The following ADAMTS13 variants were observed in gnomAD, a reference collection of about 807,000 sequenced individuals.
ADAMTS13 encodes ADAM metallopeptidase with thrombospondin type 1 motif 13, also known as A disintegrin and metalloproteinase with thrombospondin motifs 13.
Under a neutral mutation model 155.1 loss-of-function variants are expected in ADAMTS13, and 110 were observed. That is an observed-to-expected ratio of 0.71 (90% CI 0.61 to 0.83). ADAMTS13 has a LOEUF of 0.83. ADAMTS13 is among the 40% of genes least tolerant of loss of function. The pLI is 0.00. For missense variants in ADAMTS13, 1,707 were observed against 1,891.7 expected (o/e 0.90, Z 1.81); for synonymous variants, 758 against 756.4 (o/e 1.00, Z -0.03).
At position 133,432,599 on chromosome 9, in the gene ADAMTS13, G is replaced by A. The variant is rs757725461; in HGVS notation, c.999G>A (p.Gln333=). 1 of 1,552,902 alleles carries A rather than the reference G, an allele frequency of 6.4e-7. No homozygotes were observed. Among genetic ancestry groups the A allele is most frequent in the Non-Finnish European group, 8.7e-7 (1 of 1,148,096 alleles). Residue 333 remains glutamine, a synonymous_variant, in exon 9 of 29, where the codon CAG becomes CAA. Transcript: ENST00000355699. Reference sequence around the variant, plus strand: ...GTCCACCCTCCTAGGATATGTGCCAGGCCCTCTCCTGCCACACAGACCCGC... The same window carrying A: ...GTCCACCCTCCTAGGATATGTGCCAAGCCCTCTCCTGCCACACAGACCCGC... The part of the protein sequence containing the change: ...TFAREHLDMC[Q]ALSCHTDPLD...
At chr9:133,444,829 G>A (rs1554791972) in intron 19 of ADAMTS13, 34 bp from the exon 20 acceptor site, 1 of 1,609,114 alleles carries the variant, frequency 6.2e-7, no homozygotes, top group African/African-American at 1.3e-5. Context: ...GGTGGCAGAG[G>A]CAGGGCCTGA....
chr9:133,418,989 C>T (rs901033436), upstream of ADAMTS13, among the ~76,000 whole-genome samples: 3 of 152,210 alleles, frequency 2.0e-5, no homozygotes, highest in Middle Eastern at 3.4e-3. Context: ...TATAGGTGCA[C>T]GCCACCACTC....
At position 133,448,744 on chromosome 9, in the gene ADAMTS13, A is replaced by G; in HGVS notation, c.2861+16A>G. 6.3e-7 allele frequency: 1 copy of G among 1,598,368 alleles called. No homozygotes were observed. The highest frequency in any genetic ancestry group is 8.5e-7 in the Non-Finnish European group (1 of 1,179,404). On this transcript the variant is annotated intron_variant, in intron 22 of 28. Transcript: ENST00000355699. ...GCCCTGCTCGGTGAGTGAGGGGAGC[A>G]AGACTGTGTGCTGGCCTTCTCCCTG...
At chr9:133,423,257 G>A in intron 2 of ADAMTS13, 90 bp downstream of exon 2, 1 of 1,285,910 alleles carries the variant, frequency 7.8e-7, no homozygotes, top group South Asian at 1.2e-5. Context: ...TGGGATTTTT[G>A]GTGGATCTGG....
At chr9:133,433,292 G>C in intron 9 of ADAMTS13, 86 bp from the exon 10 acceptor site, 1 of 1,578,298 alleles carries the variant, frequency 6.3e-7, no homozygotes, top group Admixed American at 1.7e-5. Flanking sequence ...GGATCCCTGA[G>C]GATGTTGGGG....
chr9:133,437,918 G>T (rs782310823), intron 13 of ADAMTS13, 21 bp downstream of exon 13: 1 of 1,612,998 alleles, frequency 6.2e-7, no homozygotes, highest in Non-Finnish European at 8.5e-7. Flanking sequence ...GTGGACATTG[G>T]CGATGGCCCT....
Position 133,425,038 on chromosome 9 carries a change from A to G in ADAMTS13, c.331-491A>G, listed in dbSNP as rs1588152125. ...CACTAGCCGCCGTCTCAGAAAGACA[A>G]ACAAGGCCAGGCGCGGTGGCTCATG... On this transcript the variant is annotated intron_variant, in intron 3 of 28. Transcript: ENST00000355699. This position sits in a 1 kb window ranked among gnomAD's most constrained non-coding sequence, Gnocchi z 4.6. Among the ~76,000 whole-genome samples the G allele has an allele frequency of 6.9e-6, 1 of 144,466 alleles. No individual in the cohort carries two copies. The allele number at this position is 144,466 out of a possible 152,430, so 94.8% of individuals were successfully genotyped here. A position where few individuals can be genotyped will look rare whatever the true frequency, so the allele number is the denominator to read the frequency against.
intron 6 of ADAMTS13, among the ~76,000 whole-genome samples, chr9:133,428,373 G>T (rs587725203): frequency 1.3e-5 from 2 of 152,198 alleles, no homozygotes; most frequent in Non-Finnish European, 2.9e-5. Context: ...AAAGGCTTTT[G>T]ATATTTATTA....
rs926626691 is a variant in ADAMTS13, at chr9:133,445,891, G to A, written c.2731+72G>A. The A allele has an allele frequency of 4.6e-6, 7 of 1,505,594 alleles. No homozygotes were observed. The highest frequency in any genetic ancestry group is 2.3e-5 in the East Asian group (1 of 43,158). The allele number at this position is 1,505,594 out of a possible 1,614,324, so 93.3% of individuals were successfully genotyped here. A position where few individuals can be genotyped will look rare whatever the true frequency, so the allele number is the denominator to read the frequency against. Reference sequence around the variant, plus strand: ...CTCCTGTCCACTTGCATCTTGCCTCGTTCTGAAAAGCATTTGAGGTGGATT... The same window carrying A: ...CTCCTGTCCACTTGCATCTTGCCTCATTCTGAAAAGCATTTGAGGTGGATT... On this transcript the variant is annotated intron_variant, in intron 21 of 28. Coordinates refer to ENST00000355699, the MANE Select transcript of ADAMTS13 (RefSeq NM_139027.6). This position sits in a 1 kb window ranked among gnomAD's most constrained non-coding sequence, Gnocchi z 5.0.
chr9:133,452,464 T>A (rs1842492247), intron 23 of ADAMTS13, among the ~76,000 whole-genome samples: 1 of 152,222 alleles, frequency 6.6e-6, no homozygotes, highest in Non-Finnish European at 1.5e-5. Flanking sequence ...CACTAGTGTG[T>A]CCTGATTTCT....
At chr9:133,427,022 C>T (rs966993477) in intron 6 of ADAMTS13, among the ~76,000 whole-genome samples, 3 of 152,152 alleles carry the variant, frequency 2.0e-5, no homozygotes, top group South Asian at 2.1e-4. Context: ...AGGCTGGTCT[C>T]GAACTCCCAA....
At chr9:133,417,835 C>G (rs587698156), upstream of ADAMTS13, 2 of 1,599,922 alleles carry the variant, frequency 1.3e-6, no homozygotes, top group East Asian at 4.5e-5. Flanking sequence ...GGGACCTTCG[C>G]CTTCCCCATC....
chr9:133,436,005 A>T (rs1391690926), intron 11 of ADAMTS13, among the ~76,000 whole-genome samples: 40 of 98,978 alleles, frequency 4.0e-4, no homozygotes, highest in African/African-American at 1.1e-3. Flanking sequence ...TTTAATAGAG[A>T]TGGGGTTTTG....
intron 23 of ADAMTS13, among the ~76,000 whole-genome samples, chr9:133,450,899 C>A (rs939818311): frequency 6.6e-5 from 10 of 152,092 alleles, no homozygotes; most frequent in Non-Finnish European, 1.5e-4. Flanking sequence ...TGTGGGGAGG[C>A]CTGGGGGACA....
chr9:133,436,841 AC>A lies in ADAMTS13; in HGVS notation c.1324del (p.Gln442SerfsTer55). 6.8e-7 allele frequency: 1 copy of A among 1,480,360 alleles called. No homozygotes were observed. The highest frequency in any genetic ancestry group is 9.0e-7 in the Non-Finnish European group (1 of 1,105,514). 91.7% of individuals were successfully genotyped at this position (1,480,360 alleles called of 1,614,324 possible). A position where few individuals can be genotyped will look rare whatever the true frequency, so the allele number is the denominator to read the frequency against. On this transcript the variant is annotated frameshift_variant, in exon 12 of 29. Coordinates refer to ENST00000355699, the MANE Select transcript of ADAMTS13 (RefSeq NM_139027.6). LOFTEE classifies it high-confidence loss of function. ...EMCNTQACEKTQLEFMSQQCA... is the reference protein window; with the variant it reads ...EMCNTQACEKXQLEFMSQQCA... ...TCCTCCTGGCCAGGCCTGCGAGAAGACCCAGCTGGAGTTCATGTCGCAACAG... is the reference window on the plus strand; with the variant it reads ...TCCTCCTGGCCAGGCCTGCGAGAAGACCAGCTGGAGTTCATGTCGCAACAG...
intron 14 of ADAMTS13, among the ~76,000 whole-genome samples, chr9:133,438,624 A>T (rs926967424): frequency 6.6e-6 from 1 of 152,064 alleles, no homozygotes; most frequent in Non-Finnish European, 1.5e-5. Context: ...CAAAAAAAAC[A>T]CAGACATTGG....
rs587595558 is a variant in ADAMTS13, at chr9:133,431,082, C to T, written c.987+981C>T. On this transcript the variant is annotated intron_variant, in intron 8 of 28. Transcript: ENST00000355699. ...TTGGGCACAAACGATCCTCCCACCT[C>T]GGCCTTGGAGTAGCTGGGACTACAG... is the stretch of plus-strand genomic sequence containing the variant. Among the ~76,000 whole-genome samples, 94 of 151,762 alleles carry T rather than the reference C, an allele frequency of 6.2e-4. 1 individual carries two copies. The highest frequency in any genetic ancestry group is 2.0e-3 in the African/African-American group (81 of 41,366).
intron 1 of ADAMTS13, chr9:133,415,090 T>G (rs1839496551): frequency 1.9e-5 from 22 of 1,133,192 alleles, no homozygotes; most frequent in Non-Finnish European, 2.8e-5. Context: ...TACGTGTGTA[T>G]GTATATACAC....
upstream of ADAMTS13, among the ~76,000 whole-genome samples, chr9:133,418,262 T>TAC (rs2130755421): frequency 6.6e-6 from 1 of 152,332 alleles, no homozygotes; most frequent in South Asian, 2.1e-4. Flanking sequence ...GCTGTGTGTG[T>TAC]AGCACCTGGT....
Sources: gnomAD v4.1 joint callset for allele counts (sites outside exome capture counted in the v4.1 genomes callset) on GRCh38, gnomAD v4.1.1 for gene constraint, Gnocchi (gnomAD v3.1) non-coding constraint, MANE v1.5 for transcripts, NCBI Gene and HGNC (gene_info 2026-07-23, HGNC 2026-07-21) for gene names.